The following SPOCK3 variants were observed in gnomAD, a reference collection of about 807,000 sequenced individuals.
SPOCK3 encodes the protein SPARC (osteonectin), cwcv and kazal like domains proteoglycan 3, also known as testican-3.
In SPOCK3, 30 loss-of-function variants were observed where a neutral mutation model predicts 56.6. That is an observed-to-expected ratio of 0.53 (90% CI 0.40 to 0.72). The LOEUF (loss-of-function observed/expected upper bound fraction) is 0.72, where lower values mean the gene tolerates loss of function less well. Ranked by LOEUF, SPOCK3 falls within the 30% of genes least tolerant of loss-of-function variation. SPOCK3 has a pLI of 0.00. For missense variants in SPOCK3, 527 were observed against 530.0 expected (o/e 0.99, Z 0.06); for synonymous variants, 196 against 183.3 (o/e 1.07, Z -0.56).
chr4:167,222,530 T>A (rs2111111066), intron 2 of SPOCK3, among the ~76,000 whole-genome samples: 1 of 145,956 alleles, frequency 6.9e-6, no homozygotes, highest in Non-Finnish European at 1.5e-5. Flanking sequence ...AACATGTATG[T>A]TATAGATTCA....
chr4:166,864,684 G>T (rs557871386), intron 6 of SPOCK3, among the ~76,000 whole-genome samples: 1 of 152,168 alleles, frequency 6.6e-6, no homozygotes, highest in East Asian at 1.9e-4. Context: ...AAATCTAGAA[G>T]AAATGAATAA....
intron 3 of SPOCK3, among the ~76,000 whole-genome samples, chr4:167,056,776 C>T (rs10025395): frequency 0.017 from 2,559 of 152,098 alleles, 77 homozygotes; most frequent in African/African-American, 0.058. Flanking sequence ...CCAAGAAATA[C>T]GGGACTATGT....
At chr4:167,063,858 T>C (rs1236662742) in intron 2 of SPOCK3, among the ~76,000 whole-genome samples, 1 of 151,886 alleles carries the variant, frequency 6.6e-6, no homozygotes, top group East Asian at 1.9e-4. Context: ...ATAATTTCAT[T>C]CCCTTTTATG....
chr4:167,189,005 A>T (rs1332956945), intron 2 of SPOCK3, among the ~76,000 whole-genome samples: 1 of 146,242 alleles, frequency 6.8e-6, no homozygotes, highest in Admixed American at 7.0e-5. Context: ...TCCGTCAAAC[A>T]TTTCAGAATG....
At chr4:167,000,629 G>C (rs985233623) in intron 3 of SPOCK3, among the ~76,000 whole-genome samples, 166 bp from the exon 4 acceptor site, 9 of 152,100 alleles carry the variant, frequency 5.9e-5, no homozygotes, top group African/African-American at 1.7e-4. Flanking sequence ...ACATAACTCA[G>C]AGTTAACAGC....
chr4:166,883,724 C>T (rs1733908346), intron 6 of SPOCK3, among the ~76,000 whole-genome samples: 1 of 152,188 alleles, frequency 6.6e-6, no homozygotes, highest in Admixed American at 6.5e-5. Flanking sequence ...TTTAGTAACT[C>T]GTGACAACAG....
rs186116804 is a variant in SPOCK3 at position 167,190,166 on chromosome 4, C to A, written c.189+43819G>T. Among the ~76,000 whole-genome samples, 84 of 145,932 alleles carry A rather than the reference C, an allele frequency of 5.8e-4. 11 individuals carry two copies. Among genetic ancestry groups the A allele is most frequent in the Admixed American group, 5.4e-3 (77 of 14,254 alleles). The stretch of plus-strand genomic sequence containing the variant: ...GCAAGATTGCTAGGTTGTATTGTAA[C>A]TCTGTTTTTAATTTTTTGTGGGAAC... On this transcript the variant is annotated intron_variant, in intron 2 of 10. Coordinates refer to ENST00000357545, the MANE Select transcript of SPOCK3 (RefSeq NM_001040159.2).
intron 6 of SPOCK3, among the ~76,000 whole-genome samples, chr4:166,797,509 C>T (rs1742088142): frequency 6.6e-6 from 1 of 151,576 alleles, no homozygotes; most frequent in Non-Finnish European, 1.5e-5. Context: ...TTTCCTTTTC[C>T]TAGGCTGTAA....
chr4:166,995,283 A>G (rs1331900226), intron 4 of SPOCK3, among the ~76,000 whole-genome samples: 4 of 151,980 alleles, frequency 2.6e-5, no homozygotes, highest in Non-Finnish European at 5.9e-5. Context: ...ATCAAATTCC[A>G]GACATAAAGG....
At chr4:167,173,236 A>C (rs1730665198) in intron 2 of SPOCK3, among the ~76,000 whole-genome samples, 1 of 152,144 alleles carries the variant, frequency 6.6e-6, no homozygotes, top group African/African-American at 2.4e-5. Context: ...ACACAAAGTG[A>C]AATATCTCTG....
At chr4:166,882,750 A>T (rs1733806974) in intron 6 of SPOCK3, 1 of 152,226 alleles carries the variant, frequency 6.6e-6, no homozygotes, top group Admixed American at 6.5e-5. Context: ...AAAATATGAA[A>T]TTCATTATTT....
intron 3 of SPOCK3, among the ~76,000 whole-genome samples, chr4:167,018,831 C>T (rs1750899953): frequency 6.6e-6 from 1 of 152,014 alleles, no homozygotes; most frequent in Non-Finnish European, 1.5e-5. Context: ...CTAACTCTAT[C>T]TTTGAAGGAA....
intron 2 of SPOCK3, chr4:167,083,172 A>C: frequency 1.3e-6 from 1 of 764,810 alleles, no homozygotes; most frequent in Non-Finnish European, 2.4e-6. Context: ...TACAGACAAG[A>C]TGTATTGAGA....
chr4:166,749,494 G>A (rs979151532), intron 8 of SPOCK3, among the ~76,000 whole-genome samples: 10 of 151,914 alleles, frequency 6.6e-5, no homozygotes, highest in Non-Finnish European at 1.2e-4. Flanking sequence ...TGGTGCGGTG[G>A]GGGGAGCGGG....
intron 2 of SPOCK3, among the ~76,000 whole-genome samples, chr4:167,152,234 G>C (rs1764488432): frequency 6.6e-6 from 1 of 152,168 alleles, no homozygotes; most frequent in African/African-American, 2.4e-5. Context: ...CCAAGCTGAA[G>C]TATACCGTTA....
intron 6 of SPOCK3, among the ~76,000 whole-genome samples, chr4:166,876,965 TAAGATA>T (rs560337861): frequency 2.0e-4 from 30 of 152,158 alleles, no homozygotes; most frequent in Non-Finnish European, 2.9e-4. Context: ...GGTAGAGAAA[TAAGATA>T]AATATTTATT....
At chr4:166,784,856 C>T (rs895741268) in intron 7 of SPOCK3, among the ~76,000 whole-genome samples, 1 of 152,068 alleles carries the variant, frequency 6.6e-6, no homozygotes, top group Non-Finnish European at 1.5e-5. Context: ...CTTAGTCAGA[C>T]TCTGCTAATC....
chr4:167,181,195 A>T (rs1378802788), intron 2 of SPOCK3, among the ~76,000 whole-genome samples: 1 of 152,164 alleles, frequency 6.6e-6, no homozygotes, highest in Non-Finnish European at 1.5e-5. Context: ...TTTCTCTGTG[A>T]ACATCCTCCT....
intron 2 of SPOCK3, among the ~76,000 whole-genome samples, chr4:167,224,615 C>CA (rs375921399): frequency 6.6e-6 from 1 of 151,858 alleles, no homozygotes; most frequent in Non-Finnish European, 1.5e-5. Flanking sequence ...TCAAACTTAA[C>CA]AAAAAAGATA....
Sources: gnomAD v4.1 joint callset for allele counts (sites outside exome capture counted in the v4.1 genomes callset) on GRCh38, gnomAD v4.1.1 for gene constraint, MANE v1.5 for transcripts, NCBI Gene and HGNC (gene_info 2026-07-23, HGNC 2026-07-21) for gene names.